TGOLN2: variants seen among roughly 807,000 people sequenced by gnomAD.
TGOLN2 encodes the protein trans-golgi network protein 2.
TGOLN2 carries 19 observed loss-of-function variants against 31.3 expected under a neutral mutation model. The ratio of observed to expected loss-of-function variants is 0.61; its 90% CI spans 0.42 to 0.89. TGOLN2 has a LOEUF of 0.89. Among genes scored for constraint, TGOLN2 ranks in the 40% least tolerant of loss-of-function variants. The pLI is 0.00. For synonymous variants in TGOLN2, 222 were observed against 226.7 expected, an observed-to-expected ratio of 0.98 and a Z score of 0.19; for missense variants, 540 against 559.2, an observed-to-expected ratio of 0.97 and a Z score of 0.35.
rs772801952 is a variant in TGOLN2 at position 85,327,567 on chromosome 2, C to G, written c.165G>C (p.Lys55Asn). Residue 55 changes from lysine to asparagine, a missense_variant, in exon 2 of 4, where the codon AAG becomes AAC. By Grantham distance (94) the Lys-to-Asn change is moderately conservative. Transcript: ENST00000377386. ...SLSQRPGGST[K>N]SHPEPQTPKD... ...TTGGAGTCTGCGGCTCCGGATGCGA[C>G]TTGGTAGAGCCTCCAGGCCGTTGGC... The G allele has an allele frequency of 3.7e-5, 59 of 1,613,950 alleles. No homozygotes were observed. The highest frequency in any genetic ancestry group is 4.7e-5 in the Non-Finnish European group (56 of 1,179,918).
chr2:85,327,828 G>A (rs1241384592), intron 1 of TGOLN2, 89 bp downstream of exon 1: 55 of 1,538,566 alleles, frequency 3.6e-5, no homozygotes, highest in Middle Eastern at 2.0e-4. Flanking sequence ...GGTGGGTCGG[G>A]TAGGGAAGAA....
rs1682437175 is a variant in TGOLN2, at chr2:85,318,259, A to T, written c.*4477T>A. ...CTATTAACTGGGAAAACACAAAAGA[A>T]GAGAAACAATTTCAACCATTAATCA... On this transcript the variant is annotated 3_prime_UTR_variant, in exon 4 of 4. Coordinates refer to ENST00000377386, the MANE Select transcript of TGOLN2 (RefSeq NM_006464.4). 2.0e-5 allele frequency: 3 copies of T among 152,240 alleles called. No individual in the cohort carries two copies. Among genetic ancestry groups the T allele is most frequent in the African/African-American group, 7.2e-5 (3 of 41,460 alleles). The allele number at this position is 152,240 out of a possible 1,614,324, so 9.4% of individuals were successfully genotyped here.
In TGOLN2 at chr2:85,322,662, A is replaced by C. The variant is rs1185451206; in HGVS notation, c.*74T>G. ...GAGGACAAGGTTCTCAAGGACAAAA[A>C]AATCAAAGCTGAAACGAGAGCAGCA... On this transcript the variant is annotated 3_prime_UTR_variant, in exon 4 of 4. Coordinates refer to ENST00000377386, the MANE Select transcript of TGOLN2 (RefSeq NM_006464.4). 1 of 1,602,858 alleles carries C rather than the reference A, an allele frequency of 6.2e-7. No individual in the cohort carries two copies. Among genetic ancestry groups the C allele is most frequent in the East Asian group, 2.2e-5 (1 of 44,584 alleles).
intron 2 of TGOLN2, among the ~76,000 whole-genome samples, chr2:85,326,213 A>T (rs1026731751): frequency 6.6e-6 from 1 of 152,208 alleles, no homozygotes; most frequent in African/African-American, 2.4e-5. Flanking sequence ...TGAGGCTGTG[A>T]AGGACCTAAG....
intron 1 of TGOLN2, 83 bp from the exon 2 acceptor site, chr2:85,327,768 CG>C: frequency 1.0e-5 from 2 of 194,406 alleles, no homozygotes; most frequent in African/African-American, 6.7e-5. Flanking sequence ...TCGGGAGCAG[CG>C]GGGGAATGGG....
At position 85,322,883 on chromosome 2, in the gene TGOLN2, A is replaced by G. The variant is rs575371112; in HGVS notation, c.1309-142T>C. The G allele has an allele frequency of 5.8e-6, 8 of 1,374,208 alleles. No homozygotes were observed. In the South Asian group the frequency reaches 8.7e-5, roughly 15 times the overall value. 85.1% of individuals were successfully genotyped at this position (1,374,208 alleles called of 1,614,324 possible). ...AGTTTGAAATGAAACCTAACACTAG[A>G]AAGATATACACTTGATGGAGAGAGA... On this transcript the variant is annotated intron_variant, in intron 3 of 3. Coordinates refer to ENST00000377386, the MANE Select transcript of TGOLN2 (RefSeq NM_006464.4).
chr2:85,327,843 G>T, intron 1 of TGOLN2, 74 bp downstream of exon 1: 2 of 1,557,734 alleles, frequency 1.3e-6, no homozygotes, highest in Non-Finnish European at 8.7e-7. Context: ...GAAGAAGCGA[G>T]CCTAGAGGTG....
At chr2:85,322,938 T>G in intron 3 of TGOLN2, 197 bp from the exon 4 acceptor site, 1 of 935,262 alleles carries the variant, frequency 1.1e-6, no homozygotes, top group Admixed American at 3.5e-5. Context: ...CATACTGTTC[T>G]GTACTGTTGT....
chr2:85,325,098 G>A, intron 2 of TGOLN2, 100 bp from the exon 3 acceptor site: 1 of 1,077,368 alleles, frequency 9.3e-7, no homozygotes, highest in Non-Finnish European at 1.4e-6. Context: ...ATTTGTTAAT[G>A]ACCCTGACTG....
At position 85,322,349 on chromosome 2, in the gene TGOLN2, C is replaced by T. The variant is rs1558669896; in HGVS notation, c.*387G>A. The T allele has an allele frequency of 3.1e-6, 1 of 320,012 alleles. No homozygotes were observed. Among genetic ancestry groups the T allele is most frequent in the Non-Finnish European group, 5.7e-6 (1 of 174,318 alleles). 19.8% of individuals were successfully genotyped at this position (320,012 alleles called of 1,614,324 possible). On this transcript the variant is annotated 3_prime_UTR_variant, in exon 4 of 4. Transcript: ENST00000377386. ...CCAACTTTCCTACAGAGCCCGGGCC[C>T]CAGGGAGGGTGGTCAGCAGCGCAGC...
At position 85,326,696 on chromosome 2, in the gene TGOLN2, T is replaced by C. The variant is rs1290855721; in HGVS notation, c.1036A>G (p.Met346Val). The C allele has an allele frequency of 6.2e-7, 1 of 1,614,032 alleles. No individual in the cohort carries two copies. The highest frequency in any genetic ancestry group is 8.5e-7 in the Non-Finnish European group (1 of 1,179,896). The change falls in exon 2 of 4, where the codon ATG (methionine) becomes GTG (valine). Residue 346 changes from methionine (M) to valine (V), a missense_variant. Met to Val is a conservative substitution (Grantham distance 21). Coordinates refer to ENST00000377386, the MANE Select transcript of TGOLN2 (RefSeq NM_006464.4). Reference sequence around the variant, plus strand: ...TTCTCACTGGAGGCAGAACCGGACATCTTTTCTTTCTCTTCTTTGGGCGGT... The same window carrying C: ...TTCTCACTGGAGGCAGAACCGGACACCTTTTCTTTCTCTTCTTTGGGCGGT... The part of the protein sequence containing the change: ...GSPPKEEKEK[M>V]SGSASSENRE...
At position 85,320,074 on chromosome 2, in the gene TGOLN2, GAAA is replaced by G. The variant is rs1486995555; in HGVS notation, c.*2659_*2661del. ...AGGAAGGGAGAGAAACCTAACCAAA[GAAA>G]CATGGGAAGCTGGAAAGTCGAGGGC... On this transcript the variant is annotated 3_prime_UTR_variant, in exon 4 of 4. Coordinates refer to ENST00000377386, the MANE Select transcript of TGOLN2 (RefSeq NM_006464.4). 2 of 152,442 alleles carry G rather than the reference GAAA, an allele frequency of 1.3e-5. No homozygotes were observed. The highest frequency in any genetic ancestry group is 2.9e-5 in the Non-Finnish European group (2 of 68,206). 9.4% of individuals were successfully genotyped at this position (152,442 alleles called of 1,614,324 possible).
chr2:85,327,783 T>TGGGTTGG, intron 1 of TGOLN2, 98 bp from the exon 2 acceptor site: 1 of 275,142 alleles, frequency 3.6e-6, no homozygotes. Flanking sequence ...GAATGGGGAT[T>TGGGTTGG]GGGGGGTGGG....
chr2:85,319,180 T>TC lies in TGOLN2; in HGVS notation c.*3555_*3556insG. ...ATTTTCTTCAATGCTATTTCTTTCT[T>TC]TTTTTTTTTTTTTTTTGAGACGGAG... On this transcript the variant is annotated 3_prime_UTR_variant, in exon 4 of 4. Transcript: ENST00000377386. 1 of 145,758 alleles carries TC rather than the reference T, an allele frequency of 6.9e-6. No homozygotes were observed. Among genetic ancestry groups the TC allele is most frequent in the African/African-American group, 2.5e-5 (1 of 39,240 alleles). The allele number at this position is 145,758 out of a possible 1,614,324, so 9.0% of individuals were successfully genotyped here. A position where few individuals can be genotyped will look rare whatever the true frequency, so the allele number is the denominator to read the frequency against.
rs751194841 is a variant in TGOLN2 at position 85,321,373 on chromosome 2, T to C, written c.*1363A>G. ...AAGGTGGAAGATAATATAAGAAGCA[T>C]GGTCCTTTCTTCAGACTTACTGCCT... On this transcript the variant is annotated 3_prime_UTR_variant, in exon 4 of 4. Coordinates refer to ENST00000377386, the MANE Select transcript of TGOLN2 (RefSeq NM_006464.4). 6.5e-6 allele frequency: 1 copy of C among 152,688 alleles called. No individual in the cohort carries two copies. Among genetic ancestry groups the C allele is most frequent in the Non-Finnish European group, 1.5e-5 (1 of 68,040 alleles). The allele number at this position is 152,688 out of a possible 1,614,324, so 9.5% of individuals were successfully genotyped here.
chr2:85,322,504 G>A lies in TGOLN2; in HGVS notation c.*232C>T. Reference sequence around the variant, plus strand: ...AACACAGAAGAACAATGTCACCAAAGTGCAGGTGCAAAGCCCAAAGCAGCC... The same window carrying A: ...AACACAGAAGAACAATGTCACCAAAATGCAGGTGCAAAGCCCAAAGCAGCC... On this transcript the variant is annotated 3_prime_UTR_variant, in exon 4 of 4. Transcript: ENST00000377386. The A allele has an allele frequency of 1.4e-6, 1 of 708,552 alleles. No individual in the cohort carries two copies. Among genetic ancestry groups the A allele is most frequent in the South Asian group, 1.9e-5 (1 of 53,378 alleles). The allele number at this position is 708,552 out of a possible 1,614,324, so 43.9% of individuals were successfully genotyped here. A position where few individuals can be genotyped will look rare whatever the true frequency, so the allele number is the denominator to read the frequency against.
In TGOLN2 at chr2:85,322,565, C is replaced by G; in HGVS notation, c.*171G>C. ...GCCAGCCCAGACCCGCCACTAAATT[C>G]TAGAGGAGGGTGTCTCTCAGGTCAC... On this transcript the variant is annotated 3_prime_UTR_variant, in exon 4 of 4. Coordinates refer to ENST00000377386, the MANE Select transcript of TGOLN2 (RefSeq NM_006464.4). 7.0e-7 allele frequency: 1 copy of G among 1,427,518 alleles called. No individual in the cohort carries two copies. The allele number at this position is 1,427,518 out of a possible 1,614,324, so 88.4% of individuals were successfully genotyped here.
At chr2:85,325,947 C>T (rs1682714144) in intron 2 of TGOLN2, among the ~76,000 whole-genome samples, 1 of 152,166 alleles carries the variant, frequency 6.6e-6, no homozygotes, top group Admixed American at 6.5e-5. Context: ...TGCTAATAAA[C>T]AGACCAAACC....
intron 3 of TGOLN2, among the ~76,000 whole-genome samples, chr2:85,323,048 G>A (rs1219466464): frequency 6.6e-6 from 1 of 152,136 alleles, no homozygotes; most frequent in African/African-American, 2.4e-5. Flanking sequence ...CATGATCTTG[G>A]CTCACTGCAA....
Sources: allele counts gnomAD v4.1 joint callset (sites outside exome capture counted in the v4.1 genomes callset), GRCh38; gene constraint gnomAD v4.1.1; transcripts MANE v1.5; gene names NCBI Gene and HGNC (gene_info 2026-07-23, HGNC 2026-07-21).